SPNS3: variants seen among roughly 807,000 people sequenced by gnomAD.
The protein encoded by SPNS3 is SPNS lysolipid transporter 3, sphingosine-1-phosphate (putative), also known as protein spinster homolog 3.
In SPNS3, 51 loss-of-function variants were observed where a neutral mutation model predicts 54.4. The observed-to-expected ratio is 0.94, with a 90% confidence interval of 0.75 to 1.18. The LOEUF is 1.18. SPNS3 is among the 50% of genes most tolerant of loss of function. The pLI is 0.00. For synonymous variants in SPNS3, 309 were observed against 294.7 expected, an observed-to-expected ratio of 1.05 and a Z score of -0.50; for missense variants, 669 against 677.4, an observed-to-expected ratio of 0.99 and a Z score of 0.14.
intron 9 of SPNS3, among the ~76,000 whole-genome samples, chr17:4,484,430 C>T (rs1251585410): frequency 6.6e-6 from 1 of 152,168 alleles, no homozygotes; most frequent in East Asian, 1.9e-4. Flanking sequence ...AAGCGATTCT[C>T]CTGCCTCAGC....
At chr17:4,455,176 A>G (rs1567561851) in intron 8 of SPNS3, among the ~76,000 whole-genome samples, 1 of 152,166 alleles carries the variant, frequency 6.6e-6, no homozygotes, top group East Asian at 1.9e-4. Context: ...GGCCTCCCAA[A>G]GTGCTGGGAT....
At chr17:4,470,756 G>C (rs745704344) in intron 8 of SPNS3, among the ~76,000 whole-genome samples, 10 of 152,124 alleles carry the variant, frequency 6.6e-5, no homozygotes, top group Non-Finnish European at 1.3e-4. Context: ...TAAAATCAAA[G>C]GAATTAAGTT....
rs1213218435 is a variant in SPNS3, at chr17:4,448,275, T to C, written c.742T>C (p.Cys248Arg). The change falls in exon 6 of 12, where the codon TGT becomes CGT. Residue 248 changes from cysteine to arginine, a missense_variant. Coordinates refer to ENST00000355530, the MANE Select transcript of SPNS3 (RefSeq NM_182538.5). Reference sequence around the variant, plus strand: ...CGTGGGAGGCTTCAGGAGCAGCTGGTGTGAGGACGTCAGATACCTGGGGAA... The same window carrying C: ...CGTGGGAGGCTTCAGGAGCAGCTGGCGTGAGGACGTCAGATACCTGGGGAA... The part of the protein sequence containing the change: ...GAVGGFRSSW[C>R]EDVRYLGKNW... 4.4e-6 allele frequency: 7 copies of C among 1,585,594 alleles called. No individual in the cohort carries two copies. The highest frequency in any genetic ancestry group is 5.1e-6 in the Non-Finnish European group (6 of 1,167,528).
intron 9 of SPNS3, among the ~76,000 whole-genome samples, chr17:4,480,186 A>G (rs2144214469): frequency 6.6e-6 from 1 of 152,118 alleles, no homozygotes; most frequent in East Asian, 1.9e-4. Context: ...CTCCTGGGTG[A>G]GTGGATCAGC....
intron 9 of SPNS3, chr17:4,482,627 A>G (rs111832902): frequency 0.018 from 2,769 of 151,820 alleles, 80 homozygotes; most frequent in African/African-American, 0.063. Context: ...CACAGCCAAG[A>G]CCCACCTCTG....
chr17:4,478,735 A>T, intron 9 of SPNS3, 98 bp downstream of exon 9: 1 of 1,246,722 alleles, frequency 8.0e-7, no homozygotes. Flanking sequence ...GACATCAGAG[A>T]CCATACATTA....
At chr17:4,469,452 C>G (rs902973222) in intron 8 of SPNS3, among the ~76,000 whole-genome samples, 1 of 151,980 alleles carries the variant, frequency 6.6e-6, no homozygotes, top group Non-Finnish European at 1.5e-5. Flanking sequence ...AACCCCATCT[C>G]TACTAAAAAT....
intron 8 of SPNS3, among the ~76,000 whole-genome samples, chr17:4,461,163 T>C (rs1971489577): frequency 6.6e-6 from 1 of 152,012 alleles, no homozygotes; most frequent in Non-Finnish European, 1.5e-5. Context: ...TAACAGTTCC[T>C]TCTAATTCTT....
chr17:4,484,713 G>T (rs1972264148), intron 9 of SPNS3, among the ~76,000 whole-genome samples: 1 of 152,034 alleles, frequency 6.6e-6, no homozygotes, highest in Non-Finnish European at 1.5e-5. Flanking sequence ...GTCCAGTTGG[G>T]TTCATGTGAC....
rs547438079 is a variant in SPNS3 at position 4,458,526 on chromosome 17, G to A, written c.1113+5321G>A. ...TTTCTTCCCTTCCTCCCTCCCACCC[G>A]CCTTCCTTCCTTCCTTCCTTTCCTT... On this transcript the variant is annotated intron_variant, in intron 8 of 11. Coordinates refer to ENST00000355530, the MANE Select transcript of SPNS3 (RefSeq NM_182538.5). Among the ~76,000 whole-genome samples, 253 of 57,972 alleles carry A rather than the reference G, an allele frequency of 4.4e-3. 4 individuals carry two copies. The highest frequency in any genetic ancestry group is 0.01 in the African/African-American group (237 of 23,126). 38.0% of individuals were successfully genotyped at this position (57,972 alleles called of 152,430 possible). A position where few individuals can be genotyped will look rare whatever the true frequency, so the allele number is the denominator to read the frequency against.
intron 1 of SPNS3, among the ~76,000 whole-genome samples, chr17:4,436,428 A>G (rs1450378119): frequency 1.3e-5 from 2 of 152,076 alleles, no homozygotes; most frequent in Non-Finnish European, 2.9e-5. Context: ...CCTTGTCTCT[A>G]CAAAAAATTT....
chr17:4,473,075 C>T (rs1183741395), intron 8 of SPNS3, among the ~76,000 whole-genome samples: 1 of 152,054 alleles, frequency 6.6e-6, no homozygotes, highest in Non-Finnish European at 1.5e-5. Context: ...AGGTGTGAGC[C>T]ACTGCGCCTG....
At chr17:4,441,430 A>G (rs920502707) in intron 2 of SPNS3, among the ~76,000 whole-genome samples, 38 of 152,282 alleles carry the variant, frequency 2.5e-4, no homozygotes, top group South Asian at 1.0e-3. Flanking sequence ...TAGAACATGC[A>G]TGGTTTCCAA....
chr17:4,485,816 G>A (rs1972297372), intron 9 of SPNS3, among the ~76,000 whole-genome samples: 1 of 152,318 alleles, frequency 6.6e-6, no homozygotes, highest in Admixed American at 6.5e-5. Flanking sequence ...TGAGCCCTCC[G>A]TACCACCCCT....
At chr17:4,460,064 G>C (rs1289832757) in intron 8 of SPNS3, among the ~76,000 whole-genome samples, 1 of 152,130 alleles carries the variant, frequency 6.6e-6, no homozygotes. Context: ...CAGTGTTCCA[G>C]GTAGAGGGAA....
Position 4,488,052 on chromosome 17 carries a change from C to T in SPNS3, c.*158C>T. The T allele has an allele frequency of 1.5e-6, 1 of 670,056 alleles. No individual in the cohort carries two copies. Among genetic ancestry groups the T allele is most frequent in the Non-Finnish European group, 2.6e-6 (1 of 386,990 alleles). 41.5% of individuals were successfully genotyped at this position (670,056 alleles called of 1,614,324 possible). A position where few individuals can be genotyped will look rare whatever the true frequency, so the allele number is the denominator to read the frequency against. Reference sequence around the variant, plus strand: ...GAGCTGGCAGGACCCTGTGGCTGGGCTGGGAATGGAGCTGTCAGCACTCTG... The same window carrying T: ...GAGCTGGCAGGACCCTGTGGCTGGGTTGGGAATGGAGCTGTCAGCACTCTG... On this transcript the variant is annotated 3_prime_UTR_variant, in exon 12 of 12. Transcript: ENST00000355530.
chr17:4,468,803 T>C (rs1221222646), intron 8 of SPNS3, among the ~76,000 whole-genome samples: 1 of 149,438 alleles, frequency 6.7e-6, no homozygotes, highest in Non-Finnish European at 1.5e-5. Context: ...TTCTTTTTTT[T>C]TTTTGACGGA....
At position 4,462,794 on chromosome 17, in the gene SPNS3, C is replaced by CACCAATCT. The variant is rs1567566744; in HGVS notation, c.1113+9590_1113+9591insCCAATCTA. Among the ~76,000 whole-genome samples the CACCAATCT allele has an allele frequency of 1.2e-4, 16 of 138,260 alleles. 1 individual carries two copies. Among genetic ancestry groups the CACCAATCT allele is most frequent in the African/African-American group, 5.0e-4 (15 of 29,736 alleles). 90.7% of individuals were successfully genotyped at this position (138,260 alleles called of 152,430 possible). On this transcript the variant is annotated intron_variant, in intron 8 of 11. Transcript: ENST00000355530. ...CCATCCATCCATCCATCCATCCATC[C>CACCAATCT]ATCCATCCACCAATCTATCCATCCA...
intron 2 of SPNS3, 91 bp downstream of exon 2, chr17:4,439,814 C>A: frequency 1.7e-6 from 2 of 1,212,120 alleles, no homozygotes; most frequent in Non-Finnish European, 1.2e-6. Context: ...CCAGCTCCAG[C>A]CCCACTGGGT....
Sources: gnomAD v4.1 joint callset for allele counts (sites outside exome capture counted in the v4.1 genomes callset) on GRCh38, gnomAD v4.1.1 for gene constraint, MANE v1.5 for transcripts, NCBI Gene and HGNC (gene_info 2026-07-23, HGNC 2026-07-21) for gene names.